The following CUX1 variants were observed in gnomAD, a reference collection of about 807,000 sequenced individuals.
The protein encoded by CUX1 is cut like homeobox 1, also known as protein CASP.
In CUX1, 31 loss-of-function variants were observed where a neutral mutation model predicts 158.8. The observed-to-expected ratio is 0.20, with a 90% confidence interval of 0.15 to 0.26. CUX1 has a LOEUF of 0.26. Among genes scored for constraint, CUX1 ranks in the 10% least tolerant of loss-of-function variants. CUX1 has a pLI of 1.00. For synonymous variants in CUX1, 879 were observed against 862.1 expected, an observed-to-expected ratio of 1.02 and a Z score of -0.34; for missense variants, 1,589 against 2,014.6, an observed-to-expected ratio of 0.79 and a Z score of 4.04.
intron 20 of CUX1, among the ~76,000 whole-genome samples, chr7:102,223,898 G>T (rs1469576681): frequency 1.3e-5 from 2 of 152,148 alleles, no homozygotes; most frequent in Non-Finnish European, 2.9e-5. Flanking sequence ...GAACCCGGGA[G>T]GCGGAAGTTG....
intron 2 of CUX1, among the ~76,000 whole-genome samples, chr7:102,016,233 C>T (rs542800248): frequency 6.6e-6 from 1 of 152,236 alleles, no homozygotes; most frequent in Non-Finnish European, 1.5e-5. Context: ...CAGGCACATG[C>T]CCCTGTGCCC....
chr7:101,858,239 A>G (rs1797093374), intron 1 of CUX1, among the ~76,000 whole-genome samples: 1 of 152,264 alleles, frequency 6.6e-6, no homozygotes, highest in Non-Finnish European at 1.5e-5. Flanking sequence ...AAAGTTAAGC[A>G]GCAGCTAACC....
In CUX1 at chr7:102,252,205, T is replaced by C; in HGVS notation, c.*3163T>C. On this transcript the variant is annotated 3_prime_UTR_variant, in exon 24 of 24. Coordinates refer to ENST00000292535, the MANE Select transcript of CUX1 (RefSeq NM_181552.4). ...CTGTAATACTTCTAAGAGCTGCCAC[T>C]AAAATAATACAGCAATCCGTGGCCA... 2 of 985,476 alleles carry C rather than the reference T, an allele frequency of 2.0e-6. No individual in the cohort carries two copies. The highest frequency in any genetic ancestry group is 3.5e-5 in the African/African-American group (2 of 57,382). The allele number at this position is 985,476 out of a possible 1,614,324, so 61.0% of individuals were successfully genotyped here. A position where few individuals can be genotyped will look rare whatever the true frequency, so the allele number is the denominator to read the frequency against.
rs1016732358 is a variant in CUX1, at chr7:101,955,222, C to T, written c.141+38997C>T. ...AGAGGATGATTTGTGTTCCGCTCTG[C>T]GCCTCCTCCCTGGTCCATTCCCTTC... On this transcript the variant is annotated intron_variant, in intron 2 of 23. Transcript: ENST00000292535. Among the ~76,000 whole-genome samples, 7 of 151,922 alleles carry T rather than the reference C, an allele frequency of 4.6e-5. 1 individual carries two copies. Among genetic ancestry groups the T allele is most frequent in the Non-Finnish European group, 1.0e-4 (7 of 68,018 alleles).
chr7:102,225,741 G>A (rs1554528415), intron 20 of CUX1, among the ~76,000 whole-genome samples: 1 of 152,216 alleles, frequency 6.6e-6, no homozygotes. Flanking sequence ...TGCAGTCCCA[G>A]CTACTTGCAA....
chr7:102,085,601 CT>C (rs1280449395), intron 4 of CUX1, among the ~76,000 whole-genome samples: 1 of 152,230 alleles, frequency 6.6e-6, no homozygotes, highest in Non-Finnish European at 1.5e-5. Context: ...TTCCTGAGGT[CT>C]CCTCAGCCAC....
At chr7:102,222,044 A>G (rs566616108) in intron 20 of CUX1, among the ~76,000 whole-genome samples, 50 of 152,204 alleles carry the variant, frequency 3.3e-4, no homozygotes, top group South Asian at 6.2e-4. Flanking sequence ...GGTTCGCTGG[A>G]GCCCAGGAGT....
chr7:102,149,646 C>A (rs1029147624), intron 8 of CUX1, among the ~76,000 whole-genome samples: 37 of 152,192 alleles, frequency 2.4e-4, no homozygotes, highest in African/African-American at 8.7e-4. Context: ...ACAGCAGGTG[C>A]CTTTGCTGGG....
At chr7:102,259,627 G>A (rs140290843), downstream of CUX1, among the ~76,000 whole-genome samples, 61 of 151,830 alleles carry the variant, frequency 4.0e-4, no homozygotes, top group African/African-American at 1.5e-3. Flanking sequence ...TAAGAACTCT[G>A]CCAGTTTGGT....
At chr7:102,079,884 G>A (rs1170799002) in intron 4 of CUX1, among the ~76,000 whole-genome samples, 1 of 152,084 alleles carries the variant, frequency 6.6e-6, no homozygotes, top group Non-Finnish European at 1.5e-5. Context: ...AAACAGCCTC[G>A]GGGGACGAGG....
At chr7:102,242,205 CT>C (rs67514665) in intron 23 of CUX1, among the ~76,000 whole-genome samples, 42,106 of 93,388 alleles carry the variant, frequency 0.45, 8,532 homozygotes, top group East Asian at 0.77. Flanking sequence ...TTCTTTCTTT[CT>C]TTTTTTTTTT....
At chr7:102,220,483 G>A (rs781915806) in intron 20 of CUX1, among the ~76,000 whole-genome samples, 1 of 152,248 alleles carries the variant, frequency 6.6e-6, no homozygotes, top group African/African-American at 2.4e-5. Context: ...CAGTTCCGGA[G>A]CAGGTCTGGT....
intron 1 of CUX1, among the ~76,000 whole-genome samples, chr7:101,865,455 G>C (rs750850649): frequency 5.9e-5 from 9 of 152,204 alleles, no homozygotes; most frequent in Non-Finnish European, 1.3e-4. Context: ...TTGCCTGGCT[G>C]CTCCTTTAAG....
intron 1 of CUX1, among the ~76,000 whole-genome samples, chr7:101,823,470 C>T (rs551111685): frequency 6.6e-5 from 10 of 152,226 alleles, no homozygotes; most frequent in South Asian, 4.1e-4. Flanking sequence ...CAGAGTGGAC[C>T]GGGCCCTGGC....
chr7:102,035,673 A>G (rs1454731203), intron 3 of CUX1, among the ~76,000 whole-genome samples: 13 of 140,318 alleles, frequency 9.3e-5, no homozygotes, highest in Admixed American at 2.9e-4. Context: ...AAAAAAAACT[A>G]TAGCTAGAAA....
intron 7 of CUX1, 31 bp downstream of exon 7, chr7:102,111,805 T>TG: frequency 6.3e-7 from 1 of 1,598,160 alleles, no homozygotes; most frequent in Non-Finnish European, 8.6e-7. Context: ...GTACCATGGA[T>TG]GTGGGGAGGA....
intron 2 of CUX1, among the ~76,000 whole-genome samples, chr7:102,026,077 G>A (rs555702775): frequency 6.6e-6 from 1 of 152,262 alleles, no homozygotes; most frequent in South Asian, 2.1e-4. Context: ...TACTTGGGAG[G>A]CTGAGGTGGG....
downstream of CUX1, among the ~76,000 whole-genome samples, chr7:102,263,202 CAG>C (rs1465395844): frequency 1.5e-4 from 23 of 149,256 alleles, no homozygotes; most frequent in Non-Finnish European, 2.7e-4. Context: ...TTAGTAGAGA[CAG>C]GGGTTTCACC....
At chr7:102,059,660 C>A (rs986858738) in intron 3 of CUX1, among the ~76,000 whole-genome samples, 3 of 150,564 alleles carry the variant, frequency 2.0e-5, no homozygotes, top group Admixed American at 6.6e-5. Flanking sequence ...AAATTTAAAA[C>A]CCTCAAGATT....
Sources: allele counts gnomAD v4.1 joint callset (sites outside exome capture counted in the v4.1 genomes callset), GRCh38; gene constraint gnomAD v4.1.1; transcripts MANE v1.5; gene names NCBI Gene and HGNC (gene_info 2026-07-23, HGNC 2026-07-21).